The following GOLGA3 variants were observed in gnomAD, a reference collection of about 807,000 sequenced individuals.
The protein encoded by GOLGA3 is golgin subfamily A member 3.
A neutral mutation model predicts 169.4 loss-of-function variants in GOLGA3; 75 were observed. The observed-to-expected ratio is 0.44, with a 90% CI of 0.37 to 0.54. GOLGA3 has a LOEUF of 0.54. Ranked by LOEUF, GOLGA3 falls within the 20% of genes least tolerant of loss-of-function variation. The pLI, the probability that GOLGA3 is intolerant of heterozygous loss-of-function variation, is 0.00. For missense variants in GOLGA3, 1,899 were observed against 1,930.0 expected (o/e 0.98, Z 0.30); for synonymous variants, 824 against 822.4 (o/e 1.00, Z -0.03).
Position 132,796,648 on chromosome 12 carries a change from G to T in GOLGA3, c.1991C>A (p.Thr664Lys). The T allele has an allele frequency of 1.9e-6, 3 of 1,613,998 alleles. No individual in the cohort carries two copies. Among genetic ancestry groups the T allele is most frequent in the South Asian group, 2.2e-5 (2 of 91,084 alleles). The stretch of plus-strand genomic sequence containing the variant: ...CCTCTGAAGGTCCTCCTCCACCATC[G>T]TCTTTGCCTCCTGAATCTGCATGAA... ...AAFMQIQEAKTMVEEDLQRRL... is the reference protein window; with the variant it reads ...AAFMQIQEAKKMVEEDLQRRL... Residue 664 changes from threonine to lysine, a missense_variant, in exon 10 of 24, where the codon ACG becomes AAG. Physicochemically the swap from Thr to Lys is moderately conservative, Grantham distance 78. Coordinates refer to ENST00000450791, the MANE Select transcript of GOLGA3 (RefSeq NM_001389683.1).
rs1314741256 is a variant in GOLGA3, at chr12:132,804,756, T to C, written c.1557A>G (p.Val519=). 1.9e-6 allele frequency: 3 copies of C among 1,614,226 alleles called. No homozygotes were observed. The highest frequency in any genetic ancestry group is 2.2e-5 in the East Asian group (1 of 44,890). Residue 519 remains valine, a synonymous_variant, in exon 7 of 24, where the codon GTA becomes GTG. Transcript: ENST00000450791. This position sits in a 1 kb window ranked among gnomAD's most constrained non-coding sequence, Gnocchi z 4.1. Reference sequence around the variant, plus strand: ...TGAGCATGCTCCTCTGCATGTCCTCTACCTTGGCCATAAGCCTCTGGTACT... The same window carrying C: ...TGAGCATGCTCCTCTGCATGTCCTCCACCTTGGCCATAAGCCTCTGGTACT... The part of the protein sequence containing the change: ...EEQYQRLMAK[V]EDMQRSMLSK...
In GOLGA3 at chr12:132,769,479, G is replaced by C. The variant is rs1207359562; in HGVS notation, c.*3626C>G. On this transcript the variant is annotated 3_prime_UTR_variant, in exon 24 of 24. Transcript: ENST00000450791. ...AGGGCCCCTGCTGGACCCACCCGAGGAGAGTCCATTTCACATCCTATCAGA... is the reference window on the plus strand; with the variant it reads ...AGGGCCCCTGCTGGACCCACCCGAGCAGAGTCCATTTCACATCCTATCAGA... The C allele has an allele frequency of 6.6e-6, 1 of 152,294 alleles. No individual in the cohort carries two copies. The highest frequency in any genetic ancestry group is 1.5e-5 in the Non-Finnish European group (1 of 68,080). 9.4% of individuals were successfully genotyped at this position (152,294 alleles called of 1,614,324 possible).
chr12:132,776,683 G>A lies in GOLGA3; in HGVS notation c.3929C>T (p.Thr1310Met), dbSNP rs200875323. ...IQSLKQQLDL[T>M]EQQGRKELEG... ...CAGTTCCTTCCTGCCCTGCTGCTCC[G>A]TCAAGTCCAGCTGCTGCTTCAAGGA... is the stretch of plus-strand genomic sequence containing the variant. The change falls in exon 21 of 24, where the codon ACG (threonine) becomes ATG (methionine). Residue 1310 changes from threonine to methionine, a missense_variant. Coordinates refer to ENST00000450791, the MANE Select transcript of GOLGA3 (RefSeq NM_001389683.1). 1.1e-4 allele frequency: 170 copies of A among 1,613,994 alleles called. No individual in the cohort carries two copies. The East Asian group carries it at 2.8e-3, about 27-fold the overall frequency.
At chr12:132,794,333 T>TA (rs1218754773) in intron 11 of GOLGA3, among the ~76,000 whole-genome samples, 14,492 of 132,396 alleles carry the variant, frequency 0.11, 887 homozygotes, top group South Asian at 0.16. Flanking sequence ...CGTATCTATT[T>TA]AAAAAAAAAA....
At chr12:132,792,784 G>A (rs112876721) in intron 11 of GOLGA3, among the ~76,000 whole-genome samples, 5,759 of 101,212 alleles carry the variant, frequency 0.057, 841 homozygotes, top group Non-Finnish European at 0.068. Context: ...ACCTGCACTC[G>A]GAGGGCTCCA....
chr12:132,803,384 C>T (rs1342135969), intron 7 of GOLGA3, among the ~76,000 whole-genome samples: 3 of 152,182 alleles, frequency 2.0e-5, no homozygotes, highest in Non-Finnish European at 2.9e-5. Context: ...GCTCTGTCTT[C>T]GACCCAACGA....
chr12:132,825,359 G>A (rs56240650), intron 1 of GOLGA3, among the ~76,000 whole-genome samples: 17,425 of 152,196 alleles, frequency 0.11, 1,356 homozygotes, highest in Non-Finnish European at 0.17. Context: ...CTGCCATTGC[G>A]TGTGTGCCCA....
intron 12 of GOLGA3, 65 bp from the exon 13 acceptor site, chr12:132,789,355 C>T (rs2046103561): frequency 7.1e-7 from 1 of 1,410,464 alleles, no homozygotes; most frequent in Non-Finnish European, 9.4e-7. Context: ...ACCTGGGGGT[C>T]AAGCTGGCTT....
In GOLGA3 at chr12:132,822,877, G is replaced by A. The variant is rs141033319; in HGVS notation, c.-183-566C>T. Among the ~76,000 whole-genome samples the A allele has an allele frequency of 5.0e-3, 761 of 152,228 alleles. 2 individuals are homozygous for A. The highest frequency in any genetic ancestry group is 0.017 in the African/African-American group (722 of 41,534). ...GCGGAGGTTGCAGTGAGCTGAGATC[G>A]CACCACTGCACTGCAGCCTGGGTGA... On this transcript the variant is annotated intron_variant, in intron 1 of 23. Transcript: ENST00000450791.
Position 132,769,687 on chromosome 12 carries a change from G to C in GOLGA3, c.*3418C>G, listed in dbSNP as rs943172501. 1.1e-4 allele frequency: 16 copies of C among 152,102 alleles called. No homozygotes were observed. The highest frequency in any genetic ancestry group is 2.1e-4 in the Non-Finnish European group (14 of 68,020). The allele number at this position is 152,102 out of a possible 1,614,324, so 9.4% of individuals were successfully genotyped here. A position where few individuals can be genotyped will look rare whatever the true frequency, so the allele number is the denominator to read the frequency against. On this transcript the variant is annotated 3_prime_UTR_variant, in exon 24 of 24. Coordinates refer to ENST00000450791, the MANE Select transcript of GOLGA3 (RefSeq NM_001389683.1). ...AGCCTGTTGTGACACACGGTGTGGGGATGAACACGCCGCCCTAGCCCGTGA... is the reference window on the plus strand; with the variant it reads ...AGCCTGTTGTGACACACGGTGTGGGCATGAACACGCCGCCCTAGCCCGTGA...
chr12:132,802,091 T>G (rs764178202), intron 7 of GOLGA3, 122 bp from the exon 8 acceptor site: 8 of 727,936 alleles, frequency 1.1e-5, no homozygotes, highest in Non-Finnish European at 1.8e-5. Context: ...CAGTTCCGGT[T>G]ATTCCCCATA....
At chr12:132,803,007 A>T (rs1183009830) in intron 7 of GOLGA3, among the ~76,000 whole-genome samples, 2 of 152,164 alleles carry the variant, frequency 1.3e-5, no homozygotes, top group Non-Finnish European at 2.9e-5. Context: ...GTGAGCCAAG[A>T]TGGCGCCATT....
chr12:132,787,011 G>A (rs1414245990), intron 13 of GOLGA3, among the ~76,000 whole-genome samples: 1 of 151,814 alleles, frequency 6.6e-6, no homozygotes, highest in Non-Finnish European at 1.5e-5. Context: ...TGGAGTGCAG[G>A]GGCGTGATCT....
intron 16 of GOLGA3, 98 bp downstream of exon 16, chr12:132,784,066 C>A (rs762946616): frequency 5.1e-6 from 8 of 1,566,954 alleles, no homozygotes; most frequent in Non-Finnish European, 6.9e-6. Flanking sequence ...GCTGGGCACA[C>A]GGTGAAGTTT....
chr12:132,784,608 G>A (rs117374134), intron 15 of GOLGA3, among the ~76,000 whole-genome samples: 2 of 152,294 alleles, frequency 1.3e-5, no homozygotes, highest in Non-Finnish European at 2.9e-5. Flanking sequence ...TGGCAAGCAA[G>A]CAGCACCAGT....
intron 11 of GOLGA3, among the ~76,000 whole-genome samples, chr12:132,795,043 T>C (rs1948762137): frequency 6.6e-6 from 1 of 151,404 alleles, no homozygotes; most frequent in African/African-American, 2.4e-5. Context: ...AAAAATTAGC[T>C]GGGTGTGGTG....
intron 1 of GOLGA3, among the ~76,000 whole-genome samples, chr12:132,823,891 T>C (rs1950314097): frequency 6.6e-6 from 1 of 151,900 alleles, no homozygotes; most frequent in Admixed American, 6.6e-5. Context: ...AAGACCAGCC[T>C]GGCCAACAAG....
chr12:132,805,313 C>A (rs1382756089), intron 6 of GOLGA3, among the ~76,000 whole-genome samples: 4 of 92,396 alleles, frequency 4.3e-5, no homozygotes, highest in Admixed American at 4.3e-4. Flanking sequence ...GACCCCCAGG[C>A]GCTCTCCCAA....
rs764199879 is a variant in GOLGA3, at chr12:132,808,119, C to T, written c.950G>A (p.Ser317Asn). 1 of 1,605,268 alleles carries T rather than the reference C, an allele frequency of 6.2e-7. No individual in the cohort carries two copies. The highest frequency in any genetic ancestry group is 1.7e-5 in the Admixed American group (1 of 59,384). ...GGTGGAGGCGCTGCTGTACGATGAGCTGTCGCTGTCATTTCCATCCACCTC... is the reference window on the plus strand; with the variant it reads ...GGTGGAGGCGCTGCTGTACGATGAGTTGTCGCTGTCATTTCCATCCACCTC... ...VSEVDGNDSD[S>N]SSYSSASTRG... is the part of the protein sequence containing the mutation. Residue 317 changes from serine (S) to asparagine (N), a missense_variant, in exon 5 of 24, where the codon AGC becomes AAC. Transcript: ENST00000450791.
Sources: gnomAD v4.1 joint callset for allele counts (sites outside exome capture counted in the v4.1 genomes callset) on GRCh38, gnomAD v4.1.1 for gene constraint, Gnocchi (gnomAD v3.1) non-coding constraint, MANE v1.5 for transcripts, NCBI Gene and HGNC (gene_info 2026-07-23, HGNC 2026-07-21) for gene names.